Variants in SLC35F2 observed in about 807,000 individuals in gnomAD.
The protein encoded by SLC35F2 is queuine/queuosine transporter SLC35F2.
SLC35F2 carries 25 observed loss-of-function variants against 38.1 expected under a neutral mutation model. The observed-to-expected ratio is 0.66, with a 90% CI of 0.48 to 0.92. SLC35F2 has a LOEUF of 0.92. Among genes scored for constraint, SLC35F2 ranks in the 40% least tolerant of loss-of-function variants. The probability of loss-of-function intolerance (pLI) is 0.00; values close to 1 mark genes in which losing one functional copy is unlikely to be tolerated. For synonymous variants in SLC35F2, 173 were observed against 181.7 expected, an observed-to-expected ratio of 0.95 and a Z score of 0.38; for missense variants, 409 against 452.9, an observed-to-expected ratio of 0.90 and a Z score of 0.88.
intron 1 of SLC35F2, among the ~76,000 whole-genome samples, chr11:107,825,376 T>C (rs1378103151): frequency 1.4e-5 from 2 of 147,452 alleles, no homozygotes; most frequent in Non-Finnish European, 3.0e-5. Flanking sequence ...TTTTTTTTTT[T>C]TTCTTTTTTT....
chr11:107,858,777 T>A lies in SLC35F2; in HGVS notation c.-10A>T. On this transcript the variant is annotated 5_prime_UTR_variant, in exon 1 of 8. Transcript: ENST00000525815. ...GCGAGTCTGCCTCCATCGGCGCCCT[T>A]GCGCGTCTCCGGCGCCCAAAACCCC... The A allele has an allele frequency of 8.0e-7, 1 of 1,256,004 alleles. No homozygotes were observed. The highest frequency in any genetic ancestry group is 1.0e-6 in the Non-Finnish European group (1 of 992,310). 77.8% of individuals were successfully genotyped at this position (1,256,004 alleles called of 1,614,324 possible). A position where few individuals can be genotyped will look rare whatever the true frequency, so the allele number is the denominator to read the frequency against.
Position 107,792,702 on chromosome 11 carries a change from G to A in SLC35F2, c.1038C>T (p.Ser346=), listed in dbSNP as rs766839775. Residue 346 remains serine (S), a synonymous_variant, in exon 8 of 8, where the codon AGC becomes AGT. Transcript: ENST00000525815. ...TCCCAATGCTGGTGACTGGAGGCAC[G>A]CTGCTTTCAGCCGGCTCGGCCGTGC... ...PTRTAEPAES[S]VPPVTSIGID... The A allele has an allele frequency of 4.6e-5, 74 of 1,613,824 alleles. No individual in the cohort carries two copies. Among genetic ancestry groups the A allele is most frequent in the Middle Eastern group, 1.6e-4 (1 of 6,082 alleles).
intron 7 of SLC35F2, among the ~76,000 whole-genome samples, chr11:107,798,851 G>A (rs531242225): frequency 1.5e-3 from 230 of 152,330 alleles, no homozygotes; most frequent in African/African-American, 3.7e-3. Flanking sequence ...AGAGGCAAGC[G>A]GATCACCTGA....
intron 1 of SLC35F2, among the ~76,000 whole-genome samples, chr11:107,844,101 A>AGACT (rs1196246392): frequency 6.6e-6 from 1 of 151,938 alleles, no homozygotes; most frequent in Non-Finnish European, 1.5e-5. Context: ...GCCTAGGGAT[A>AGACT]GACTGCCCAA....
At chr11:107,853,637 G>A (rs1210418989) in intron 1 of SLC35F2, among the ~76,000 whole-genome samples, 7 of 149,076 alleles carry the variant, frequency 4.7e-5, no homozygotes, top group African/African-American at 7.4e-5. Context: ...GGAGAATGGC[G>A]TGAACCCGGG....
chr11:107,811,864 A>G lies in SLC35F2; in HGVS notation c.287-70T>C, dbSNP rs1006175114. ...TACCATACATGTTGATTTGAAGATAAAAGAGTAGAAGCAAGAGTTTCTTGT... is the reference window on the plus strand; with the variant it reads ...TACCATACATGTTGATTTGAAGATAGAAGAGTAGAAGCAAGAGTTTCTTGT... On this transcript the variant is annotated intron_variant, in intron 2 of 7. Transcript: ENST00000525815. The G allele has an allele frequency of 3.6e-6, 5 of 1,375,068 alleles. No individual in the cohort carries two copies. The African/African-American group carries it at 7.3e-5, about 20-fold the overall frequency. 85.2% of individuals were successfully genotyped at this position (1,375,068 alleles called of 1,614,324 possible).
chr11:107,841,958 C>T lies in SLC35F2; in HGVS notation c.110+16700G>A, dbSNP rs147932442. Among the ~76,000 whole-genome samples the T allele has an allele frequency of 7.7e-3, 1,171 of 151,396 alleles. 14 individuals are homozygous for T. Among genetic ancestry groups the T allele is most frequent in the African/African-American group, 0.027 (1,093 of 41,242 alleles). ...GTGTGCACCTGTAATCCCAGCTACT[C>T]GGGAGGCTGAGGCAGGAGAATTGCG... is the stretch of plus-strand genomic sequence containing the variant. On this transcript the variant is annotated intron_variant, in intron 1 of 7. Coordinates refer to ENST00000525815, the MANE Select transcript of SLC35F2 (RefSeq NM_017515.5).
At position 107,826,362 on chromosome 11, in the gene SLC35F2, C is replaced by T. The variant is rs983259281; in HGVS notation, c.111-10397G>A. On this transcript the variant is annotated intron_variant, in intron 1 of 7. Transcript: ENST00000525815. ...CTCGATCTGGGCTCACCACAACCTC[C>T]GCTTCCCAAGTAGCTGGGATTACAG... Among the ~76,000 whole-genome samples, 6 of 151,854 alleles carry T rather than the reference C, an allele frequency of 4.0e-5. No homozygotes were observed. In the East Asian group the frequency reaches 5.8e-4, roughly 15 times the overall value.
At position 107,803,046 on chromosome 11, in the gene SLC35F2, C is replaced by A; in HGVS notation, c.894G>T (p.Ala298=). 1 of 1,613,876 alleles carries A rather than the reference C, an allele frequency of 6.2e-7. No individual in the cohort carries two copies. The highest frequency in any genetic ancestry group is 1.1e-5 in the South Asian group (1 of 91,040). The part of the protein sequence containing the change: ...ATSVNLGILT[A]DLYSLFVGLF... ...GTCCAACAAAAAGGCTGTAGAGGTC[C>A]GCTGTCAGGATGCCCAGGTTGACGG... The change falls in exon 7 of 8, where the codon GCG becomes GCT. Residue 298 remains alanine, a synonymous_variant. Transcript: ENST00000525815.
intron 5 of SLC35F2, 40 bp downstream of exon 5, chr11:107,805,319 T>C (rs878993474): frequency 1.3e-6 from 2 of 1,558,926 alleles, no homozygotes; most frequent in African/African-American, 1.4e-5. Flanking sequence ...TATAATATAT[T>C]TGCTTATTTT....
chr11:107,848,493 T>C (rs996631530), intron 1 of SLC35F2, among the ~76,000 whole-genome samples: 1 of 152,092 alleles, frequency 6.6e-6, no homozygotes, highest in Non-Finnish European at 1.5e-5. Flanking sequence ...GTCATGAAGG[T>C]GGAGTCTACA....
At chr11:107,799,746 T>C (rs1341389574) in intron 7 of SLC35F2, among the ~76,000 whole-genome samples, 1 of 152,130 alleles carries the variant, frequency 6.6e-6, no homozygotes, top group Non-Finnish European at 1.5e-5. Flanking sequence ...CTAATTTTTG[T>C]ACTTGTAAAG....
intron 1 of SLC35F2, among the ~76,000 whole-genome samples, chr11:107,854,756 C>T (rs1212590524): frequency 4.6e-5 from 7 of 152,150 alleles, no homozygotes; most frequent in Non-Finnish European, 1.0e-4. Flanking sequence ...GAAAACATAA[C>T]AAGCTCTATG....
intron 1 of SLC35F2, among the ~76,000 whole-genome samples, chr11:107,830,935 T>C (rs540477121): frequency 6.6e-6 from 1 of 152,184 alleles, no homozygotes; most frequent in Non-Finnish European, 1.5e-5. Flanking sequence ...GGGTTCATAA[T>C]GGAAGAAAAA....
intron 1 of SLC35F2, among the ~76,000 whole-genome samples, chr11:107,838,689 C>T (rs1256159315): frequency 3.5e-5 from 5 of 143,470 alleles, no homozygotes; most frequent in East Asian, 2.1e-4. Context: ...AGTGCAGTGG[C>T]GCTATCTCAT....
intron 1 of SLC35F2, among the ~76,000 whole-genome samples, chr11:107,848,033 A>C (rs1591210294): frequency 6.6e-6 from 1 of 152,326 alleles, no homozygotes; most frequent in East Asian, 1.9e-4. Flanking sequence ...GTAGAACTGT[A>C]GTGGCCAGGG....
chr11:107,817,717 TATG>T (rs1859598347), intron 1 of SLC35F2, among the ~76,000 whole-genome samples: 1 of 152,102 alleles, frequency 6.6e-6, no homozygotes, highest in African/African-American at 2.4e-5. Flanking sequence ...CACAACAAAG[TATG>T]TATAATGTAT....
chr11:107,822,609 A>G (rs536394100), intron 1 of SLC35F2, among the ~76,000 whole-genome samples: 1 of 152,234 alleles, frequency 6.6e-6, no homozygotes, highest in African/African-American at 2.4e-5. Flanking sequence ...TTCTTTCCCC[A>G]AAACTCTAAG....
chr11:107,802,738 G>A (rs902880617), intron 7 of SLC35F2, among the ~76,000 whole-genome samples: 20 of 152,148 alleles, frequency 1.3e-4, no homozygotes, highest in African/African-American at 4.1e-4. Context: ...GAAAACATGC[G>A]TTAACAATTC....
Sources: allele counts gnomAD v4.1 joint callset (sites outside exome capture counted in the v4.1 genomes callset), GRCh38; gene constraint gnomAD v4.1.1; transcripts MANE v1.5; gene names NCBI Gene and HGNC (gene_info 2026-07-23, HGNC 2026-07-21).